The following CPQ variants were observed in gnomAD, a reference collection of about 807,000 sequenced individuals.
CPQ encodes carboxypeptidase Q, also known as Ser-Met dipeptidase.
Under a neutral mutation model 45.7 loss-of-function variants are expected in CPQ, and 37 were observed. The ratio of observed to expected loss-of-function variants is 0.81; its 90% CI spans 0.62 to 1.07. The LOEUF (loss-of-function observed/expected upper bound fraction) is 1.07. CPQ is among the 50% of genes least tolerant of loss of function. The probability of loss-of-function intolerance (pLI) is 0.00; values close to 1 mark genes in which losing one functional copy is unlikely to be tolerated. For synonymous variants in CPQ, 186 were observed against 205.8 expected, an observed-to-expected ratio of 0.90 and a Z score of 0.82; for missense variants, 537 against 572.9, an observed-to-expected ratio of 0.94 and a Z score of 0.64.
At chr8:97,030,511 C>T (rs1242701261) in intron 6 of CPQ, among the ~76,000 whole-genome samples, 1 of 152,076 alleles carries the variant, frequency 6.6e-6, no homozygotes, top group Non-Finnish European at 1.5e-5. Context: ...TACTCTTTCA[C>T]CACTTTAGTT....
chr8:97,123,740 G>C (rs544528049), intron 7 of CPQ, among the ~76,000 whole-genome samples: 1 of 151,882 alleles, frequency 6.6e-6, no homozygotes, highest in Non-Finnish European at 1.5e-5. Flanking sequence ...AATAAAAAAA[G>C]CAAGATTCAG....
At chr8:96,925,694 CTT>C (rs34617404) in intron 4 of CPQ, among the ~76,000 whole-genome samples, 3 of 122,952 alleles carry the variant, frequency 2.4e-5, no homozygotes. Flanking sequence ...GGCCTCTGCA[CTT>C]TTTTTTTTTT....
At chr8:97,019,727 A>C (rs1476648079) in intron 5 of CPQ, among the ~76,000 whole-genome samples, 1 of 152,186 alleles carries the variant, frequency 6.6e-6, no homozygotes, top group East Asian at 1.9e-4. Context: ...TTTATAAAAC[A>C]ATTAGTAATT....
chr8:96,931,230 G>A (rs984583191), intron 4 of CPQ, among the ~76,000 whole-genome samples: 2 of 152,194 alleles, frequency 1.3e-5, no homozygotes, highest in Non-Finnish European at 2.9e-5. Context: ...CTTCAAACAT[G>A]AGATAGGTAA....
chr8:96,771,696 A>T (rs1349322053), intron 1 of CPQ, among the ~76,000 whole-genome samples: 1 of 152,226 alleles, frequency 6.6e-6, no homozygotes, highest in African/African-American at 2.4e-5. Flanking sequence ...CAAAGCATGT[A>T]AGATGTATTC....
intron 4 of CPQ, among the ~76,000 whole-genome samples, chr8:96,950,593 C>T (rs1813248445): frequency 1.3e-5 from 2 of 152,076 alleles, no homozygotes; most frequent in Admixed American, 1.3e-4. Flanking sequence ...TTTCCCAGCC[C>T]CCTACCACCA....
At chr8:97,037,757 T>G (rs1810028366) in intron 6 of CPQ, among the ~76,000 whole-genome samples, 1 of 152,214 alleles carries the variant, frequency 6.6e-6, no homozygotes, top group Non-Finnish European at 1.5e-5. Flanking sequence ...TAGAATTCCA[T>G]TATGACTAGG....
At chr8:96,971,194 A>C (rs1813672001) in intron 5 of CPQ, among the ~76,000 whole-genome samples, 1 of 152,296 alleles carries the variant, frequency 6.6e-6, no homozygotes, top group South Asian at 2.1e-4. Flanking sequence ...TTTTCATTCT[A>C]GATTTTCTAG....
At chr8:96,954,752 C>G (rs1813326556) in intron 4 of CPQ, among the ~76,000 whole-genome samples, 1 of 152,078 alleles carries the variant, frequency 6.6e-6, no homozygotes, top group South Asian at 2.1e-4. Context: ...CCCACTCCCC[C>G]AACCCCACAA....
At chr8:97,123,148 TAAATAAA>T (rs1563587254) in intron 7 of CPQ, among the ~76,000 whole-genome samples, 1 of 20,622 alleles carries the variant, frequency 4.8e-5, no homozygotes, top group African/African-American at 2.5e-4. Flanking sequence ...TAAAATAAAA[TAAATAAA>T]ATAAAATAAA....
chr8:96,985,181 A>G (rs1813992251), intron 5 of CPQ, among the ~76,000 whole-genome samples: 1 of 151,670 alleles, frequency 6.6e-6, no homozygotes, highest in African/African-American at 2.4e-5. Context: ...CTGCATTTTC[A>G]CCATGATTTG....
intron 4 of CPQ, among the ~76,000 whole-genome samples, chr8:96,892,040 G>C (rs557502334): frequency 6.6e-6 from 1 of 152,126 alleles, no homozygotes; most frequent in East Asian, 1.9e-4. Flanking sequence ...TTTAAGAAAC[G>C]TGATGTGACT....
intron 1 of CPQ, among the ~76,000 whole-genome samples, chr8:96,739,021 C>T (rs1810038225): frequency 6.6e-6 from 1 of 151,480 alleles, no homozygotes; most frequent in South Asian, 2.1e-4. Context: ...TTCTAGATCC[C>T]TGAGGAATCG....
chr8:97,024,361 C>T (rs892449317), intron 5 of CPQ, among the ~76,000 whole-genome samples: 3 of 152,038 alleles, frequency 2.0e-5, no homozygotes, highest in Non-Finnish European at 2.9e-5. Flanking sequence ...GATTGTTTCT[C>T]GGGGTGGCTC....
At chr8:96,773,153 A>G (rs1192289372) in intron 1 of CPQ, among the ~76,000 whole-genome samples, 2 of 152,166 alleles carry the variant, frequency 1.3e-5, no homozygotes, top group African/African-American at 4.8e-5. Context: ...AAAATGATGA[A>G]TCAGAGCTGT....
Position 96,894,102 on chromosome 8 carries a change from A to G in CPQ, c.849+14097A>G, listed in dbSNP as rs145991312. Among the ~76,000 whole-genome samples, 111 of 152,326 alleles carry G rather than the reference A, an allele frequency of 7.3e-4. 2 individuals carry two copies. In the East Asian group the frequency reaches 0.017, roughly 23 times the overall value. On this transcript the variant is annotated intron_variant, in intron 4 of 7. Coordinates refer to ENST00000220763, the MANE Select transcript of CPQ (RefSeq NM_016134.4). ...CTTGGAGAGGTCCAGGTGGTAAGAC[A>G]CTGACTTCTTCTGCTATTAACCAGT...
At chr8:96,745,366 G>C (rs1278522970) in intron 1 of CPQ, among the ~76,000 whole-genome samples, 2 of 152,146 alleles carry the variant, frequency 1.3e-5, no homozygotes, top group African/African-American at 4.8e-5. Flanking sequence ...GCAGTTTCAG[G>C]AAAGAAGTTC....
chr8:96,772,753 C>T (rs1212854706), intron 1 of CPQ, among the ~76,000 whole-genome samples: 1 of 152,098 alleles, frequency 6.6e-6, no homozygotes, highest in Non-Finnish European at 1.5e-5. Flanking sequence ...GAGTTAGGGA[C>T]AAAGGACATT....
At chr8:96,873,494 G>A (rs192986463) in intron 3 of CPQ, among the ~76,000 whole-genome samples, 1 of 151,166 alleles carries the variant, frequency 6.6e-6, no homozygotes, top group Non-Finnish European at 1.5e-5. Context: ...TACTCTTAAG[G>A]TGCTAAATTA....
Sources: gnomAD v4.1 joint callset for allele counts (sites outside exome capture counted in the v4.1 genomes callset) on GRCh38, gnomAD v4.1.1 for gene constraint, MANE v1.5 for transcripts, NCBI Gene and HGNC (gene_info 2026-07-23, HGNC 2026-07-21) for gene names.